Variants in SCHIP1 observed in about 807,000 individuals in gnomAD.
SCHIP1 encodes schwannomin interacting protein 1, also known as schwannomin-interacting protein 1.
A neutral mutation model predicts 29.7 loss-of-function variants in SCHIP1; 8 were observed. The ratio of observed to expected loss-of-function variants is 0.27; its 90% CI spans 0.16 to 0.49. The LOEUF is 0.49. Among genes scored for constraint, SCHIP1 ranks in the 20% least tolerant of loss-of-function variants. The pLI, the probability that SCHIP1 is intolerant of heterozygous loss-of-function variation, is 0.99. For missense variants in SCHIP1, 193 were observed against 294.6 expected (o/e 0.66, Z 2.52); for synonymous variants, 76 against 94.9 (o/e 0.80, Z 1.16).
At chr3:159,273,718 A>T in the SCHIP1 span, 1 of 1,529,740 alleles carries the variant, frequency 6.5e-7, no homozygotes, top group Non-Finnish European at 8.8e-7. Context: ...TTTTTAGACA[A>T]CCTTACTAGC....
chr3:159,394,389 T>C, the SCHIP1 span, among the ~76,000 whole-genome samples: 3 of 152,108 alleles, frequency 2.0e-5, no homozygotes, highest in Non-Finnish European at 4.4e-5. Flanking sequence ...CCCTGTCTTG[T>C]GCCAGTTTTC....
intron 2 of SCHIP1, among the ~76,000 whole-genome samples, chr3:159,876,453 T>C (rs979971473): frequency 2.0e-5 from 3 of 152,194 alleles, no homozygotes; most frequent in African/African-American, 7.2e-5. Flanking sequence ...GCCTACTTCA[T>C]GGGGTTACTG....
the SCHIP1 span, among the ~76,000 whole-genome samples, chr3:159,447,189 T>C: frequency 1.3e-5 from 2 of 152,202 alleles, no homozygotes; most frequent in Non-Finnish European, 2.9e-5. Flanking sequence ...CTAGTGTCAG[T>C]GTGCTCATTG....
At chr3:159,385,009 T>TG in the SCHIP1 span, among the ~76,000 whole-genome samples, 1 of 152,174 alleles carries the variant, frequency 6.6e-6, no homozygotes, top group South Asian at 2.1e-4. Context: ...TCTTTTCTTC[T>TG]TTATTAGTCT....
the SCHIP1 span, among the ~76,000 whole-genome samples, chr3:159,632,608 A>G: frequency 2.6e-5 from 4 of 152,174 alleles, no homozygotes; most frequent in African/African-American, 9.7e-5. Flanking sequence ...TATTGTAGCC[A>G]TGTATCTCAA....
chr3:159,475,867 C>A, the SCHIP1 span, among the ~76,000 whole-genome samples: 1 of 152,076 alleles, frequency 6.6e-6, no homozygotes, highest in Admixed American at 6.6e-5. Flanking sequence ...AAAGTTATGG[C>A]AGGAGTTGAA....
the SCHIP1 span, among the ~76,000 whole-genome samples, chr3:159,288,917 T>A: frequency 6.6e-6 from 1 of 152,172 alleles, no homozygotes; most frequent in Non-Finnish European, 1.5e-5. Flanking sequence ...GTCACATTAA[T>A]AACTTTCTTC....
At chr3:159,288,399 A>G in the SCHIP1 span, among the ~76,000 whole-genome samples, 5 of 152,248 alleles carry the variant, frequency 3.3e-5, no homozygotes, top group South Asian at 6.2e-4. Flanking sequence ...GAATATTACC[A>G]TTGAAATCAC....
the SCHIP1 span, among the ~76,000 whole-genome samples, chr3:159,459,114 A>G: frequency 6.6e-6 from 1 of 152,184 alleles, no homozygotes; most frequent in African/African-American, 2.4e-5. Context: ...ATTATGCAAT[A>G]TATAATGAGG....
In SCHIP1 at chr3:159,861,193, G is replaced by A. The variant is rs559959081; in HGVS notation, c.31-4970G>A. Among the ~76,000 whole-genome samples, 9 of 152,306 alleles carry A rather than the reference G, an allele frequency of 5.9e-5. No homozygotes were observed. The highest frequency in any genetic ancestry group is 1.9e-4 in the African/African-American group (8 of 41,568). On this transcript the variant is annotated intron_variant, in intron 1 of 6. Coordinates refer to ENST00000445224, the Ensembl canonical transcript of SCHIP1. This position sits in a 1 kb window ranked among gnomAD's most constrained non-coding sequence, Gnocchi z 4.1. ...CTTGCTTCAGAGACACCACAATGCT[G>A]CTAGTAAGGTGGGCTGGGCCAGAGG...
chr3:159,601,754 G>A, the SCHIP1 span, among the ~76,000 whole-genome samples: 31,195 of 152,182 alleles, frequency 0.2, 8,707 homozygotes, highest in African/African-American at 0.63. Context: ...GCATTGCACT[G>A]TCCTTTTCCC....
At chr3:159,705,685 C>G in the SCHIP1 span, among the ~76,000 whole-genome samples, 1 of 151,388 alleles carries the variant, frequency 6.6e-6, no homozygotes, top group Non-Finnish European at 1.5e-5. Flanking sequence ...GAGAATGCCG[C>G]TCTAAGGATA....
the SCHIP1 span, among the ~76,000 whole-genome samples, chr3:159,600,808 C>A: frequency 2.0e-5 from 3 of 152,294 alleles, no homozygotes; most frequent in African/African-American, 7.2e-5. Flanking sequence ...TCTCCTATTT[C>A]TGAATTTACT....
At chr3:159,424,496 G>C in the SCHIP1 span, among the ~76,000 whole-genome samples, 3 of 152,124 alleles carry the variant, frequency 2.0e-5, no homozygotes, top group Admixed American at 1.3e-4. Flanking sequence ...GAGAAAAAAA[G>C]AATAAAAAGA....
the SCHIP1 span, among the ~76,000 whole-genome samples, chr3:159,670,539 G>T: frequency 1.3e-5 from 2 of 152,016 alleles, no homozygotes; most frequent in Non-Finnish European, 2.9e-5. Flanking sequence ...CTGTATTTTT[G>T]CCATTCTAAT....
chr3:159,435,166 G>A, the SCHIP1 span, among the ~76,000 whole-genome samples: 1 of 152,144 alleles, frequency 6.6e-6, no homozygotes, highest in Non-Finnish European at 1.5e-5. Context: ...TCTTCTCCAA[G>A]CTTCAGAGTT....
the SCHIP1 span, among the ~76,000 whole-genome samples, chr3:159,629,142 A>AAC: frequency 0.047 from 7,003 of 150,448 alleles, 437 homozygotes; most frequent in African/African-American, 0.14. Flanking sequence ...GTTAAACAAA[A>AAC]ACACACACAC....
the SCHIP1 span, among the ~76,000 whole-genome samples, chr3:159,455,331 C>T: frequency 6.6e-6 from 1 of 152,126 alleles, no homozygotes; most frequent in African/African-American, 2.4e-5. Flanking sequence ...ACTCATATCC[C>T]TGGAGGACTT....
At chr3:159,485,273 C>G in the SCHIP1 span, among the ~76,000 whole-genome samples, 1 of 152,182 alleles carries the variant, frequency 6.6e-6, no homozygotes, top group Non-Finnish European at 1.5e-5. Context: ...GGCTCACTTA[C>G]TGCTCTGAGT....
Sources: gnomAD v4.1 joint callset for allele counts (sites outside exome capture counted in the v4.1 genomes callset) on GRCh38, gnomAD v4.1.1 for gene constraint, Gnocchi (gnomAD v3.1) non-coding constraint, MANE v1.5 for transcripts, NCBI Gene and HGNC (gene_info 2026-07-23, HGNC 2026-07-21) for gene names.